Variants in NOL4 observed in about 807,000 individuals in gnomAD.
NOL4 encodes nucleolar protein 4, also known as cancer/testis antigen 125.
In NOL4, 17 loss-of-function variants were observed where a neutral mutation model predicts 75.9. The ratio of observed to expected loss-of-function variants is 0.22; its 90% CI spans 0.15 to 0.34. The LOEUF (loss-of-function observed/expected upper bound fraction) is 0.34. Among genes scored for constraint, NOL4 ranks in the 10% least tolerant of loss-of-function variants. The probability of loss-of-function intolerance (pLI) is 1.00; values close to 1 mark genes in which losing one functional copy is unlikely to be tolerated. For missense variants in NOL4, 614 were observed against 793.5 expected (o/e 0.77, Z 2.72); for synonymous variants, 292 against 289.9 (o/e 1.01, Z -0.07).
chr18:33,999,411 A>C (rs550628789), intron 6 of NOL4, among the ~76,000 whole-genome samples: 78 of 152,226 alleles, frequency 5.1e-4, no homozygotes, highest in Middle Eastern at 3.4e-3. Flanking sequence ...AAATATTATA[A>C]AAATATAATG....
At position 34,178,285 on chromosome 18, in the gene NOL4, A is replaced by G. The variant is rs1428676292; in HGVS notation, c.264+44705T>C. 3.3e-5 allele frequency among the ~76,000 whole-genome samples: 5 copies of G among 151,798 alleles called. No homozygotes were observed. In the East Asian group the frequency reaches 9.6e-4, roughly 29 times the overall value. ...AGATGTGTATTAAAATGGTAAACAA[A>G]AAAATAACTACTCAATACAAAGGAA... On this transcript the variant is annotated intron_variant, in intron 1 of 10. Coordinates refer to ENST00000261592, the MANE Select transcript of NOL4 (RefSeq NM_003787.5).
chr18:34,190,371 G>C (rs2034824901), intron 1 of NOL4, among the ~76,000 whole-genome samples: 1 of 151,802 alleles, frequency 6.6e-6, no homozygotes, highest in Non-Finnish European at 1.5e-5. Flanking sequence ...AATGCAACTG[G>C]ACAAATGGTG....
intron 9 of NOL4, among the ~76,000 whole-genome samples, chr18:33,914,079 CA>C (rs2066568769): frequency 6.6e-6 from 1 of 151,942 alleles, no homozygotes. Context: ...TTAAAATATG[CA>C]TTTTATAGGA....
chr18:34,104,000 T>C (rs766966746), intron 4 of NOL4, 47 bp downstream of exon 4: 1 of 1,277,670 alleles, frequency 7.8e-7, no homozygotes, highest in Admixed American at 1.7e-5. Flanking sequence ...GTTATCAAGC[T>C]TCGTTCCAAT....
intron 1 of NOL4, among the ~76,000 whole-genome samples, chr18:34,132,730 A>G (rs1239062163): frequency 7.0e-6 from 1 of 143,128 alleles, no homozygotes; most frequent in African/African-American, 2.5e-5. Context: ...CAAAGTTTCA[A>G]AAACGCAAAA....
intron 9 of NOL4, among the ~76,000 whole-genome samples, chr18:33,893,141 A>T (rs2065197735): frequency 6.6e-6 from 1 of 152,152 alleles, no homozygotes; most frequent in Admixed American, 6.6e-5. Flanking sequence ...ACTTATGCTG[A>T]CTTACATAAC....
At chr18:33,905,063 G>A (rs1381954999) in intron 9 of NOL4, among the ~76,000 whole-genome samples, 1 of 152,194 alleles carries the variant, frequency 6.6e-6, no homozygotes, top group Non-Finnish European at 1.5e-5. Flanking sequence ...GCTCCCTCAA[G>A]TATGCTCAAA....
At position 34,047,904 on chromosome 18, in the gene NOL4, T is replaced by C. The variant is rs148863954; in HGVS notation, c.773-28303A>G. On this transcript the variant is annotated intron_variant, in intron 5 of 10. Coordinates refer to ENST00000261592, the MANE Select transcript of NOL4 (RefSeq NM_003787.5). The stretch of plus-strand genomic sequence containing the variant: ...GTTGAAGTACCAGCACCAAACAGAA[T>C]AGCTATATTAATTGCTCTTCACTCA... Among the ~76,000 whole-genome samples the C allele has an allele frequency of 4.2e-3, 637 of 152,228 alleles. 8 individuals carry two copies. Among genetic ancestry groups the C allele is most frequent in the African/African-American group, 0.015 (618 of 41,566 alleles).
chr18:34,012,357 A>G (rs1190251812), intron 6 of NOL4, among the ~76,000 whole-genome samples: 1 of 151,966 alleles, frequency 6.6e-6, no homozygotes, highest in East Asian at 1.9e-4. Context: ...GACATATACT[A>G]TAAAGCTATT....
chr18:34,093,224 A>C (rs1641665250), intron 5 of NOL4, among the ~76,000 whole-genome samples: 1 of 152,224 alleles, frequency 6.6e-6, no homozygotes, highest in Non-Finnish European at 1.5e-5. Flanking sequence ...AACATGAATT[A>C]ACTTGAATTT....
At chr18:34,028,189 A>G (rs992610769) in intron 5 of NOL4, among the ~76,000 whole-genome samples, 2 of 152,168 alleles carry the variant, frequency 1.3e-5, no homozygotes, top group Non-Finnish European at 2.9e-5. Flanking sequence ...TGCTACACCA[A>G]TGTCACATAA....
chr18:33,882,384 A>G (rs1207673249), intron 10 of NOL4, among the ~76,000 whole-genome samples: 5 of 152,144 alleles, frequency 3.3e-5, no homozygotes, highest in Non-Finnish European at 7.3e-5. Context: ...CCCCACCAAA[A>G]AGTGGGTGAA....
intron 5 of NOL4, among the ~76,000 whole-genome samples, chr18:34,047,893 A>G (rs2076455119): frequency 6.6e-6 from 1 of 152,160 alleles, no homozygotes; most frequent in Admixed American, 6.6e-5. Flanking sequence ...AAGTACCAGC[A>G]CCAAACAGAA....
chr18:34,153,217 T>C (rs2081732501), intron 1 of NOL4, among the ~76,000 whole-genome samples: 1 of 151,876 alleles, frequency 6.6e-6, no homozygotes, highest in Non-Finnish European at 1.5e-5. Context: ...TAAGGTATAT[T>C]TATATTAACA....
chr18:34,214,201 T>C (rs2036713117), intron 1 of NOL4, among the ~76,000 whole-genome samples: 1 of 152,104 alleles, frequency 6.6e-6, no homozygotes, highest in Admixed American at 6.6e-5. Flanking sequence ...AATTGGTATG[T>C]GTACACTCAG....
chr18:34,002,364 CTA>C (rs2073775027), intron 6 of NOL4, among the ~76,000 whole-genome samples: 3 of 152,166 alleles, frequency 2.0e-5, no homozygotes, highest in Admixed American at 1.3e-4. Context: ...CCACCTGGGG[CTA>C]GACCTTTAGC....
At chr18:34,031,665 C>A (rs1226027147) in intron 5 of NOL4, among the ~76,000 whole-genome samples, 3 of 152,114 alleles carry the variant, frequency 2.0e-5, no homozygotes, top group Non-Finnish European at 4.4e-5. Context: ...CACTAAAATT[C>A]AATATGAAAG....
chr18:33,887,394 G>T (rs2064810407), intron 9 of NOL4, among the ~76,000 whole-genome samples: 1 of 148,850 alleles, frequency 6.7e-6, no homozygotes, highest in South Asian at 2.1e-4. Context: ...ATTCTTTGCT[G>T]TTAGAAAGTA....
At chr18:34,108,358 T>C (rs1450703659) in intron 2 of NOL4, among the ~76,000 whole-genome samples, 1 of 152,030 alleles carries the variant, frequency 6.6e-6, no homozygotes, top group Non-Finnish European at 1.5e-5. Context: ...AATAATTACA[T>C]TAAATATAAA....
Sources: gnomAD v4.1 joint callset for allele counts (sites outside exome capture counted in the v4.1 genomes callset) on GRCh38, gnomAD v4.1.1 for gene constraint, MANE v1.5 for transcripts, NCBI Gene and HGNC (gene_info 2026-07-23, HGNC 2026-07-21) for gene names.